The following TMEM272 variants were observed in gnomAD, a reference collection of about 807,000 sequenced individuals.
TMEM272 encodes transmembrane protein 272.
Under a neutral mutation model 3.7 loss-of-function variants are expected in TMEM272, and 8 were observed. The observed-to-expected ratio is 2.17, with a 90% CI of 1.27 to 3.91. The LOEUF (loss-of-function observed/expected upper bound fraction) is 3.91. TMEM272 is among the 30% of genes most tolerant of loss of function. The probability of loss-of-function intolerance (pLI) is 0.00; values close to 1 mark genes in which losing one functional copy is unlikely to be tolerated. For missense variants in TMEM272, 166 were observed against 91.5 expected (o/e 1.81, Z -3.32); for synonymous variants, 63 against 39.8 (o/e 1.58, Z -2.20).
At chr13:51,870,160 G>A in the TMEM272 span, among the ~76,000 whole-genome samples, 4 of 152,184 alleles carry the variant, frequency 2.6e-5, no homozygotes, top group African/African-American at 7.2e-5. Flanking sequence ...AAGTGGAGCC[G>A]AGGGGGTCAT....
At chr13:51,865,940 G>T in the TMEM272 span, 20 of 1,613,964 alleles carry the variant, frequency 1.2e-5, no homozygotes, top group Admixed American at 2.7e-4. Context: ...CTGGGAGGAA[G>T]AGAATGCCCT....
At chr13:51,847,721 G>A (rs1956313564), upstream of TMEM272, among the ~76,000 whole-genome samples, 1 of 152,186 alleles carries the variant, frequency 6.6e-6, no homozygotes, top group African/African-American at 2.4e-5. Context: ...AGTGGTGGGG[G>A]TCTGGGAGCA....
chr13:51,836,272 G>A (rs948127034), intron 2 of TMEM272, among the ~76,000 whole-genome samples: 7 of 151,992 alleles, frequency 4.6e-5, no homozygotes, highest in South Asian at 2.1e-4. Context: ...CCCAGCTGCC[G>A]GCCTCTCATT....
chr13:51,820,862 G>A (rs1212435747), intron 4 of TMEM272, among the ~76,000 whole-genome samples: 2 of 152,178 alleles, frequency 1.3e-5, no homozygotes, highest in African/African-American at 4.8e-5. Context: ...GGGGATGATT[G>A]TGTGTACTTG....
At chr13:51,865,923 C>T in the TMEM272 span, 12 of 1,613,754 alleles carry the variant, frequency 7.4e-6, no homozygotes, top group South Asian at 2.2e-5. Context: ...GAAGATAAAA[C>T]GTCCCTCTGG....
the TMEM272 span, among the ~76,000 whole-genome samples, chr13:51,930,934 C>A: frequency 2.0e-5 from 3 of 151,920 alleles, no homozygotes; most frequent in East Asian, 3.9e-4. Context: ...AATCTATTTT[C>A]TAACATGTCA....
the TMEM272 span, among the ~76,000 whole-genome samples, chr13:51,904,294 T>C: frequency 6.6e-5 from 10 of 152,120 alleles, no homozygotes; most frequent in Non-Finnish European, 4.4e-5. Context: ...AAATACATGA[T>C]GACAGAAACT....
chr13:51,887,972 A>G, the TMEM272 span, among the ~76,000 whole-genome samples: 1 of 152,120 alleles, frequency 6.6e-6, no homozygotes, highest in African/African-American at 2.4e-5. Flanking sequence ...TTAAACATAT[A>G]CACACCTATA....
At chr13:51,870,602 A>G in the TMEM272 span, among the ~76,000 whole-genome samples, 1 of 152,250 alleles carries the variant, frequency 6.6e-6, no homozygotes, top group African/African-American at 2.4e-5. Flanking sequence ...AAGAATCAGA[A>G]AGAAACCAAT....
At chr13:51,867,890 A>G in the TMEM272 span, among the ~76,000 whole-genome samples, 4 of 152,212 alleles carry the variant, frequency 2.6e-5, no homozygotes, top group African/African-American at 9.6e-5. Flanking sequence ...TTCACACTGC[A>G]GGAACCCCAG....
intron 2 of TMEM272, among the ~76,000 whole-genome samples, chr13:51,834,976 G>A (rs1290763594): frequency 6.6e-6 from 1 of 152,182 alleles, no homozygotes; most frequent in Non-Finnish European, 1.5e-5. Flanking sequence ...GCCAGATGGG[G>A]AGGCTGGGAG....
At chr13:51,837,055 C>A (rs1004950232) in intron 2 of TMEM272, among the ~76,000 whole-genome samples, 1 of 152,206 alleles carries the variant, frequency 6.6e-6, no homozygotes, top group Non-Finnish European at 1.5e-5. Flanking sequence ...ACTTAGGAGG[C>A]CTTGCCATTG....
intron 1 of TMEM272, among the ~76,000 whole-genome samples, chr13:51,839,566 T>C (rs1380380623): frequency 1.3e-5 from 2 of 152,188 alleles, no homozygotes; most frequent in African/African-American, 2.4e-5. Flanking sequence ...TTGTTCCTCA[T>C]ACTGCAGGGG....
chr13:51,848,689 T>C (rs187916675), upstream of TMEM272, among the ~76,000 whole-genome samples: 29 of 152,318 alleles, frequency 1.9e-4, no homozygotes, highest in East Asian at 5.6e-3. Flanking sequence ...GCCTGACTTC[T>C]TGATGGAAGC....
intron 3 of TMEM272, among the ~76,000 whole-genome samples, chr13:51,826,325 T>G (rs1364406526): frequency 6.6e-6 from 1 of 152,070 alleles, no homozygotes; most frequent in Non-Finnish European, 1.5e-5. Flanking sequence ...GACAGATTTC[T>G]AAAAGAGAGT....
At chr13:51,823,679 G>A (rs1454949673) in intron 3 of TMEM272, among the ~76,000 whole-genome samples, 8 of 152,254 alleles carry the variant, frequency 5.3e-5, no homozygotes, top group African/African-American at 2.4e-5. Context: ...AATTCTTACT[G>A]TAGAACCAAA....
At chr13:51,831,599 CTTCT>C (rs1956173850) in intron 2 of TMEM272, among the ~76,000 whole-genome samples, 1 of 152,192 alleles carries the variant, frequency 6.6e-6, no homozygotes, top group Non-Finnish European at 1.5e-5. Context: ...AGCACGAGGC[CTTCT>C]TTACCACTTG....
chr13:51,863,371 T>C, the TMEM272 span, among the ~76,000 whole-genome samples: 1 of 152,108 alleles, frequency 6.6e-6, no homozygotes, highest in Non-Finnish European at 1.5e-5. Flanking sequence ...AAAACACCTG[T>C]AGGGCTACAG....
At chr13:51,910,714 T>A in the TMEM272 span, 1 of 390,682 alleles carries the variant, frequency 2.6e-6, no homozygotes, top group Non-Finnish European at 5.0e-6. Context: ...TGTTCGGAAC[T>A]CAAATCTGCG....
Sources: allele counts gnomAD v4.1 joint callset (sites outside exome capture counted in the v4.1 genomes callset), GRCh38; gene constraint gnomAD v4.1.1; transcripts MANE v1.5; gene names NCBI Gene and HGNC (gene_info 2026-07-23, HGNC 2026-07-21).